Variants in DCLK1 observed in about 807,000 individuals in gnomAD.
DCLK1 encodes doublecortin like kinase 1, also known as serine/threonine-protein kinase DCLK1.
A neutral mutation model predicts 86.2 loss-of-function variants in DCLK1; 16 were observed. The observed-to-expected ratio is 0.19, with a 90% CI of 0.13 to 0.28. The LOEUF is 0.28. Ranked by LOEUF, DCLK1 falls within the 10% of genes least tolerant of loss-of-function variation. DCLK1 has a pLI of 1.00. For synonymous variants in DCLK1, 369 were observed against 370.5 expected (o/e 1.00, Z 0.05); for missense variants, 590 against 940.2 (o/e 0.63, Z 4.87).
chr13:36,067,614 C>T (rs35040964), intron 3 of DCLK1, among the ~76,000 whole-genome samples: 2 of 151,796 alleles, frequency 1.3e-5, no homozygotes, highest in African/African-American at 4.8e-5. Flanking sequence ...TAACAACAGG[C>T]CTCTTTTCCT....
chr13:35,962,729 A>G (rs914007642), intron 3 of DCLK1, among the ~76,000 whole-genome samples: 1 of 152,228 alleles, frequency 6.6e-6, no homozygotes, highest in African/African-American at 2.4e-5. Flanking sequence ...GGAAAACTCT[A>G]AAGCATAGGA....
At chr13:35,947,149 TA>T (rs1344377657) in intron 4 of DCLK1, among the ~76,000 whole-genome samples, 1 of 152,210 alleles carries the variant, frequency 6.6e-6, no homozygotes, top group Non-Finnish European at 1.5e-5. Context: ...CTTATTCTTC[TA>T]AATGATTTAA....
intron 3 of DCLK1, among the ~76,000 whole-genome samples, chr13:36,108,107 GGCATGGTAAGT>G (rs1224540031): frequency 6.6e-6 from 1 of 151,954 alleles, no homozygotes; most frequent in Non-Finnish European, 1.5e-5. Context: ...CTGAAATTAA[GGCATGGTAAGT>G]GCTTCCTTGA....
intron 6 of DCLK1, among the ~76,000 whole-genome samples, chr13:35,841,693 T>C (rs1226139764): frequency 6.6e-6 from 1 of 152,224 alleles, no homozygotes; most frequent in Non-Finnish European, 1.5e-5. Context: ...AAAAACGTAC[T>C]TACGGTCATA....
At chr13:35,868,554 G>C (rs900741015) in intron 5 of DCLK1, among the ~76,000 whole-genome samples, 4 of 152,120 alleles carry the variant, frequency 2.6e-5, no homozygotes, top group African/African-American at 9.7e-5. Flanking sequence ...GGTTTGGATG[G>C]AGAACTAATT....
chr13:36,086,130 C>A (rs1443169100), intron 3 of DCLK1, among the ~76,000 whole-genome samples: 1 of 152,158 alleles, frequency 6.6e-6, no homozygotes, highest in African/African-American at 2.4e-5. Flanking sequence ...CATTTTCTTC[C>A]TTCCCCCATC....
At position 35,868,673 on chromosome 13, in the gene DCLK1, C is replaced by T. The variant is rs56341053; in HGVS notation, c.940+2551G>A. ...TATAGGCTCTCATTCTCTTTCACATCCTTCTGTGATTGCATTAAGTAGCCA... is the reference window on the plus strand; with the variant it reads ...TATAGGCTCTCATTCTCTTTCACATTCTTCTGTGATTGCATTAAGTAGCCA... On this transcript the variant is annotated intron_variant, in intron 5 of 16. Coordinates refer to ENST00000360631, the MANE Select transcript of DCLK1 (RefSeq NM_001330071.2). Among the ~76,000 whole-genome samples, 806 of 152,276 alleles carry T rather than the reference C, an allele frequency of 5.3e-3. 8 individuals carry two copies. Among genetic ancestry groups the T allele is most frequent in the African/African-American group, 0.018 (754 of 41,550 alleles).
intron 2 of DCLK1, among the ~76,000 whole-genome samples, chr13:36,118,401 G>C (rs186117510): frequency 1.3e-5 from 2 of 152,226 alleles, no homozygotes; most frequent in African/African-American, 4.8e-5. Context: ...TGTGGGTTCC[G>C]AGGGAATATG....
At chr13:35,986,953 G>T (rs748096432) in intron 3 of DCLK1, among the ~76,000 whole-genome samples, 1 of 152,220 alleles carries the variant, frequency 6.6e-6, no homozygotes, top group Non-Finnish European at 1.5e-5. Context: ...AAGCCTGGAC[G>T]ATCATGTAAA....
chr13:35,897,136 C>A (rs1593711040), intron 4 of DCLK1, among the ~76,000 whole-genome samples: 1 of 151,948 alleles, frequency 6.6e-6, no homozygotes, highest in Non-Finnish European at 1.5e-5. Context: ...CAGATAAGGA[C>A]CAGATGATGT....
intron 3 of DCLK1, among the ~76,000 whole-genome samples, chr13:36,067,383 G>T (rs1883795295): frequency 7.3e-6 from 1 of 136,576 alleles, no homozygotes; most frequent in Admixed American, 7.7e-5. Flanking sequence ...ACAGGAAGGG[G>T]AACATCACAC....
chr13:35,927,055 C>T (rs770481607), intron 4 of DCLK1, among the ~76,000 whole-genome samples: 7 of 152,192 alleles, frequency 4.6e-5, no homozygotes, highest in East Asian at 1.9e-4. Flanking sequence ...TGGGCCCTCA[C>T]GTAATCCCTC....
intron 4 of DCLK1, among the ~76,000 whole-genome samples, chr13:35,939,571 A>C (rs1354773138): frequency 6.6e-6 from 1 of 151,996 alleles, no homozygotes; most frequent in Non-Finnish European, 1.5e-5. Flanking sequence ...TGCCCAGTTA[A>C]TTTTTTGTAG....
intron 3 of DCLK1, among the ~76,000 whole-genome samples, chr13:36,040,548 C>T (rs1038069410): frequency 1.3e-5 from 2 of 151,510 alleles, no homozygotes; most frequent in African/African-American, 4.8e-5. Flanking sequence ...TTGATGTTGA[C>T]TCTATTCACC....
intron 3 of DCLK1, among the ~76,000 whole-genome samples, chr13:36,045,290 T>G (rs1198542843): frequency 7.8e-6 from 1 of 128,592 alleles, no homozygotes; most frequent in Admixed American, 8.4e-5. Context: ...ATATATATAA[T>G]AATCGTCTAA....
At chr13:35,967,248 T>C (rs1593777089) in intron 3 of DCLK1, among the ~76,000 whole-genome samples, 1 of 148,622 alleles carries the variant, frequency 6.7e-6, no homozygotes, top group African/African-American at 2.5e-5. Flanking sequence ...GTCTGGGAGG[T>C]TGGGGGCGCC....
intron 3 of DCLK1, among the ~76,000 whole-genome samples, chr13:36,090,696 C>T (rs145058950): frequency 6.6e-6 from 1 of 152,078 alleles, no homozygotes; most frequent in African/African-American, 2.4e-5. Context: ...TAACTGGATT[C>T]CCAAAACATT....
chr13:35,986,251 G>A (rs532460091), intron 3 of DCLK1, among the ~76,000 whole-genome samples: 54 of 131,674 alleles, frequency 4.1e-4, no homozygotes, highest in South Asian at 1.6e-3. Flanking sequence ...GCAGTAAGCC[G>A]AGATCATGCC....
intron 3 of DCLK1, among the ~76,000 whole-genome samples, chr13:35,949,319 C>T (rs975909289): frequency 6.6e-6 from 1 of 152,132 alleles, no homozygotes; most frequent in African/African-American, 2.4e-5. Context: ...TATTTGATTC[C>T]AGAACTTTTT....
Sources: allele counts gnomAD v4.1 joint callset (sites outside exome capture counted in the v4.1 genomes callset), GRCh38; gene constraint gnomAD v4.1.1; transcripts MANE v1.5; gene names NCBI Gene and HGNC (gene_info 2026-07-23, HGNC 2026-07-21).